Variants in NDNF observed in about 807,000 individuals in gnomAD.
NDNF encodes neuron derived neurotrophic factor.
A neutral mutation model predicts 42.0 loss-of-function variants in NDNF; 16 were observed. That is an observed-to-expected ratio of 0.38 (90% CI 0.26 to 0.58). The LOEUF (loss-of-function observed/expected upper bound fraction) is 0.58, where lower values mean the gene tolerates loss of function less well. NDNF is among the 20% of genes least tolerant of loss of function. The probability of loss-of-function intolerance (pLI) is 0.67; values close to 1 mark genes in which losing one functional copy is unlikely to be tolerated. For synonymous variants in NDNF, 248 were observed against 251.7 expected, an observed-to-expected ratio of 0.99 and a Z score of 0.14; for missense variants, 616 against 666.2, an observed-to-expected ratio of 0.92 and a Z score of 0.83.
chr4:121,053,495 C>T (rs539976769), intron 1 of NDNF, among the ~76,000 whole-genome samples: 1 of 152,280 alleles, frequency 6.6e-6, no homozygotes, highest in South Asian at 2.1e-4. Context: ...AATAACAGAA[C>T]TGGCCGAAAT....
In NDNF at chr4:121,036,337, A is replaced by G. The variant is rs1203353850; in HGVS notation, c.1634T>C (p.Val545Ala). Reference protein sequence around the residue: ...LQPGKSYLLDVYVIGHGGHSV... With the variant: ...LQPGKSYLLDAYVIGHGGHSV... ...GTGCCCCCCATGTCCTATGACATAA[A>G]CATCCAGCAGGTAAGATTTGCCAGG... is the stretch of plus-strand genomic sequence containing the variant. The change falls in exon 4 of 4, where the codon GTT becomes GCT. Residue 545 changes from valine to alanine, a missense_variant. By Grantham distance (64) the Val-to-Ala change is moderately conservative (BLOSUM62 0). Coordinates refer to ENST00000379692, the MANE Select transcript of NDNF (RefSeq NM_024574.4). 5.0e-6 allele frequency: 8 copies of G among 1,614,014 alleles called. No individual in the cohort carries two copies. Among genetic ancestry groups the G allele is most frequent in the Non-Finnish European group, 6.8e-6 (8 of 1,180,012 alleles).
At position 121,036,560 on chromosome 4, in the gene NDNF, C is replaced by G; in HGVS notation, c.1411G>C (p.Gly471Arg). Reference sequence around the variant, plus strand: ...CAAAACTTGTTCCTTTCCTGAGTGCCTAGCCAAGCCACGGTGGCTGAGGAA... The same window carrying G: ...CAAAACTTGTTCCTTTCCTGAGTGCGTAGCCAAGCCACGGTGGCTGAGGAA... ...TCSSATVAWLGTQERNKFCIY... is the reference protein window; with the variant it reads ...TCSSATVAWLRTQERNKFCIY... Residue 471 changes from glycine to arginine, a missense_variant, in exon 4 of 4, where the codon GGC becomes CGC. Gly to Arg is a moderately radical substitution (Grantham distance 125, BLOSUM62 -2). Transcript: ENST00000379692. The G allele has an allele frequency of 6.2e-7, 1 of 1,614,084 alleles. No individual in the cohort carries two copies. The highest frequency in any genetic ancestry group is 8.5e-7 in the Non-Finnish European group (1 of 1,179,980).
chr4:121,046,293 T>C (rs1208284947), intron 1 of NDNF, among the ~76,000 whole-genome samples: 1 of 152,214 alleles, frequency 6.6e-6, no homozygotes, highest in African/African-American at 2.4e-5. Flanking sequence ...TAATTGCTGA[T>C]ATGGTTGAAC....
chr4:121,066,234 C>T (rs1168948489), intron 1 of NDNF, among the ~76,000 whole-genome samples: 2 of 152,152 alleles, frequency 1.3e-5, no homozygotes, highest in Admixed American at 6.6e-5. Flanking sequence ...ATATCAGAGA[C>T]TCAGGGAGGC....
intron 2 of NDNF, among the ~76,000 whole-genome samples, chr4:121,045,127 C>A (rs531667702): frequency 2.6e-5 from 4 of 152,170 alleles, no homozygotes; most frequent in Non-Finnish European, 5.9e-5. Context: ...CCAAAGAGGG[C>A]GGATCACGAG....
chr4:121,039,178 ATGTG>A (rs749717084), intron 3 of NDNF, among the ~76,000 whole-genome samples: 809 of 66,382 alleles, frequency 0.012, 19 homozygotes, highest in African/African-American at 0.037. Context: ...TATAAAGACT[ATGTG>A]TGTGTGTGTG....
chr4:121,054,176 A>G (rs549662174), intron 1 of NDNF, among the ~76,000 whole-genome samples: 1 of 152,362 alleles, frequency 6.6e-6, no homozygotes, highest in African/African-American at 2.4e-5. Flanking sequence ...TGAAGAGAAT[A>G]AGAGTTTTGT....
intron 1 of NDNF, among the ~76,000 whole-genome samples, chr4:121,056,004 G>A (rs1727288636): frequency 6.6e-6 from 1 of 152,074 alleles, no homozygotes; most frequent in Admixed American, 6.6e-5. Context: ...AGATACAGAA[G>A]GTATGAAGAA....
intron 1 of NDNF, among the ~76,000 whole-genome samples, chr4:121,050,207 TTC>T (rs745543902): frequency 1.3e-5 from 2 of 152,224 alleles, no homozygotes; most frequent in Non-Finnish European, 2.9e-5. Context: ...CAATAAAATG[TTC>T]TGTCTCAGAT....
intron 1 of NDNF, among the ~76,000 whole-genome samples, chr4:121,071,210 G>C (rs1049473032): frequency 6.6e-6 from 1 of 152,160 alleles, no homozygotes; most frequent in Non-Finnish European, 1.5e-5. Flanking sequence ...ACGAGGGCAC[G>C]AAGCCGAGTC....
intron 1 of NDNF, among the ~76,000 whole-genome samples, chr4:121,055,711 A>G (rs916294345): frequency 2.0e-5 from 3 of 152,216 alleles, no homozygotes; most frequent in Non-Finnish European, 4.4e-5. Context: ...CTAAAAAAAT[A>G]AAAAGACTGA....
At chr4:121,052,222 C>T (rs1290729392) in intron 1 of NDNF, among the ~76,000 whole-genome samples, 1 of 152,040 alleles carries the variant, frequency 6.6e-6, no homozygotes, top group African/African-American at 2.4e-5. Flanking sequence ...ATAAATATAA[C>T]ATAAAGTATA....
At chr4:121,043,524 T>C (rs748251642) in intron 2 of NDNF, among the ~76,000 whole-genome samples, 27 of 152,232 alleles carry the variant, frequency 1.8e-4, no homozygotes, top group Non-Finnish European at 3.5e-4. Flanking sequence ...AAAAGATAAA[T>C]ATAAAGAATG....
At chr4:121,044,466 G>A (rs896034155) in intron 2 of NDNF, among the ~76,000 whole-genome samples, 1 of 151,178 alleles carries the variant, frequency 6.6e-6, no homozygotes, top group Non-Finnish European at 1.5e-5. Context: ...CTACAAAATA[G>A]GTAACTTTAA....
Position 121,059,633 on chromosome 4 carries a change from G to A in NDNF, c.-2+12360C>T, listed in dbSNP as rs76615543. ...AAAATGTCCTGATAAGAAAAATAGC[G>A]TATTACTCAGGAGGGCCTCTTTCCT... is the stretch of plus-strand genomic sequence containing the variant. On this transcript the variant is annotated intron_variant, in intron 1 of 3. Coordinates refer to ENST00000379692, the MANE Select transcript of NDNF (RefSeq NM_024574.4). Among the ~76,000 whole-genome samples, 871 of 152,298 alleles carry A rather than the reference G, an allele frequency of 5.7e-3. 7 individuals are homozygous for A. The highest frequency in any genetic ancestry group is 0.02 in the African/African-American group (819 of 41,564).
rs1308083026 is a variant in NDNF, at chr4:121,036,535, C to T, written c.1436G>A (p.Cys479Tyr). The T allele has an allele frequency of 6.2e-7, 1 of 1,614,104 alleles. No individual in the cohort carries two copies. ...ATCATCCACTTCTTTTTTGTAGATGCAAAACTTGTTCCTTTCCTGAGTGCC... is the reference window on the plus strand; with the variant it reads ...ATCATCCACTTCTTTTTTGTAGATGTAAAACTTGTTCCTTTCCTGAGTGCC... ...WLGTQERNKF[C>Y]IYKKEVDDNY... Residue 479 changes from cysteine (C) to tyrosine (Y), a missense_variant, in exon 4 of 4, where the codon TGC becomes TAC. Transcript: ENST00000379692.
chr4:121,040,179 A>G (rs3775916), intron 2 of NDNF, 125 bp from the exon 3 acceptor site: 41,635 of 980,526 alleles, frequency 0.042, 1,074 homozygotes, highest in East Asian at 0.093. Context: ...AATTTTCATA[A>G]AATGTCATTG....
intron 2 of NDNF, among the ~76,000 whole-genome samples, chr4:121,040,965 C>G (rs1995944): frequency 0.48 from 72,967 of 152,050 alleles, 20,597 homozygotes; most frequent in East Asian, 0.64. Flanking sequence ...CTTTTGGAAT[C>G]GCATTATCTA....
chr4:121,037,195 G>A lies in NDNF; in HGVS notation c.776C>T (p.Ser259Phe), dbSNP rs779264668. 1 of 1,614,042 alleles carries A rather than the reference G, an allele frequency of 6.2e-7. No individual in the cohort carries two copies. Among genetic ancestry groups the A allele is most frequent in the Admixed American group, 1.7e-5 (1 of 59,986 alleles). The change falls in exon 4 of 4, where the codon TCT becomes TTT. Residue 259 changes from serine to phenylalanine, a missense_variant. Physicochemically the swap from Ser to Phe is radical, Grantham distance 155. Transcript: ENST00000379692. ...ACTGCGTTCTTTACCTGAATTATCAGAAGGAAATCCAAAGTGGGCAAAGTC... is the reference window on the plus strand; with the variant it reads ...ACTGCGTTCTTTACCTGAATTATCAAAAGGAAATCCAAAGTGGGCAAAGTC... The part of the protein sequence containing the change: ...PFDFAHFGFP[S>F]DNSGKERSFQ...
Sources: allele counts gnomAD v4.1 joint callset (sites outside exome capture counted in the v4.1 genomes callset), GRCh38; gene constraint gnomAD v4.1.1; transcripts MANE v1.5; gene names NCBI Gene and HGNC (gene_info 2026-07-23, HGNC 2026-07-21).